Variants in SNX13 observed in about 807,000 individuals in gnomAD.
SNX13 encodes the protein sorting nexin-13.
SNX13 carries 45 observed loss-of-function variants against 133.6 expected under a neutral mutation model. That is an observed-to-expected ratio of 0.34 (90% CI 0.27 to 0.43). SNX13 has a LOEUF of 0.43. SNX13 is among the 20% of genes least tolerant of loss of function. SNX13 has a pLI of 1.00. For synonymous variants in SNX13, 414 were observed against 373.9 expected, an observed-to-expected ratio of 1.11 and a Z score of -1.24; for missense variants, 1,032 against 1,145.1, an observed-to-expected ratio of 0.90 and a Z score of 1.43.
At chr7:17,833,970 T>A (rs1262024442) in intron 15 of SNX13, 82 bp downstream of exon 15, 3 of 1,093,238 alleles carry the variant, frequency 2.7e-6, no homozygotes, top group Non-Finnish European at 3.6e-6. Context: ...ACAACATTTT[T>A]AACTTATACA....
chr7:17,932,902 A>C (rs1157455459), intron 1 of SNX13, among the ~76,000 whole-genome samples: 1 of 152,200 alleles, frequency 6.6e-6, no homozygotes, highest in East Asian at 1.9e-4. Context: ...CAAGGCTCCC[A>C]CTTTGATGGC....
chr7:17,844,022 A>T (rs559020824), intron 12 of SNX13, among the ~76,000 whole-genome samples: 2 of 152,046 alleles, frequency 1.3e-5, no homozygotes, highest in Non-Finnish European at 1.5e-5. Flanking sequence ...AAGAAATAGA[A>T]AAAGAACAAA....
chr7:17,861,571 C>T (rs555608521), intron 9 of SNX13, among the ~76,000 whole-genome samples: 14 of 152,080 alleles, frequency 9.2e-5, no homozygotes, highest in Non-Finnish European at 2.1e-4. Flanking sequence ...CAAGTGAGCT[C>T]GAGGATGTGC....
At chr7:17,846,666 T>TAA (rs74828587) in intron 11 of SNX13, among the ~76,000 whole-genome samples, 1 of 146,364 alleles carries the variant, frequency 6.8e-6, no homozygotes, top group South Asian at 2.2e-4. Flanking sequence ...TGTAGAGAAT[T>TAA]AAAAAAAAAA....
rs570673625 is a variant in SNX13 at position 17,860,866 on chromosome 7, G to A, written c.837+7541C>T. Among the ~76,000 whole-genome samples, 132 of 152,260 alleles carry A rather than the reference G, an allele frequency of 8.7e-4. 2 individuals carry two copies. In the Middle Eastern group the frequency reaches 0.02, roughly 24 times the overall value. ...CCATACAGTTAATTACTGTAGCTTT[G>A]TAATAGGTTTTGAAATCAGGAAGGG... On this transcript the variant is annotated intron_variant, in intron 9 of 25. Transcript: ENST00000428135.
intron 18 of SNX13, among the ~76,000 whole-genome samples, chr7:17,820,098 A>G (rs1439229061): frequency 2.0e-5 from 3 of 152,190 alleles, no homozygotes; most frequent in African/African-American, 7.2e-5. Flanking sequence ...ACATTTGTCA[A>G]TATGTAAAAT....
intron 11 of SNX13, among the ~76,000 whole-genome samples, chr7:17,850,012 T>C (rs1361092775): frequency 1.3e-5 from 2 of 152,192 alleles, no homozygotes; most frequent in East Asian, 1.9e-4. Context: ...AAAGAGTCTG[T>C]CTGCTTGGCT....
chr7:17,918,496 C>A (rs188689415), intron 1 of SNX13, among the ~76,000 whole-genome samples: 1 of 151,604 alleles, frequency 6.6e-6, no homozygotes, highest in African/African-American at 2.4e-5. Context: ...AAAAGACATA[C>A]AAGCAGCCAA....
intron 1 of SNX13, among the ~76,000 whole-genome samples, chr7:17,934,042 G>T (rs1000093182): frequency 6.6e-6 from 1 of 152,124 alleles, no homozygotes; most frequent in African/African-American, 2.4e-5. Context: ...TAACATACAG[G>T]TTTGTGTGTT....
chr7:17,814,289 C>A (rs1786398992), intron 20 of SNX13, among the ~76,000 whole-genome samples: 1 of 152,154 alleles, frequency 6.6e-6, no homozygotes, highest in Non-Finnish European at 1.5e-5. Flanking sequence ...GAGCAGGGAT[C>A]TGAAACAAAA....
intron 1 of SNX13, among the ~76,000 whole-genome samples, chr7:17,927,072 TTA>T (rs1017689721): frequency 1.3e-5 from 2 of 152,018 alleles, no homozygotes; most frequent in Admixed American, 6.6e-5. Context: ...AGATAAAAAC[TTA>T]TGTCAAATTT....
intron 15 of SNX13, 64 bp from the exon 16 acceptor site, chr7:17,830,111 GT>G: frequency 8.0e-7 from 1 of 1,253,218 alleles, no homozygotes; most frequent in Non-Finnish European, 1.0e-6. Flanking sequence ...TTTATCTAAG[GT>G]TCAAACACTA....
intron 20 of SNX13, among the ~76,000 whole-genome samples, chr7:17,807,919 A>G (rs1785507539): frequency 6.6e-6 from 1 of 152,192 alleles, no homozygotes; most frequent in South Asian, 2.1e-4. Flanking sequence ...CAACATCAAC[A>G]AAAAGGACAT....
At chr7:17,844,129 G>C (rs1026321713) in intron 12 of SNX13, among the ~76,000 whole-genome samples, 2 of 151,904 alleles carry the variant, frequency 1.3e-5, no homozygotes, top group Admixed American at 6.6e-5. Flanking sequence ...GTCAATGAAA[G>C]CAATAGTTGA....
intron 20 of SNX13, among the ~76,000 whole-genome samples, chr7:17,813,727 T>C (rs576987348): frequency 1.4e-4 from 21 of 151,794 alleles, no homozygotes; most frequent in Admixed American, 1.2e-3. Context: ...TCTGGGACTA[T>C]AGGTGTGCAC....
chr7:17,878,817 G>A (rs1191692763), intron 5 of SNX13, among the ~76,000 whole-genome samples: 1 of 152,036 alleles, frequency 6.6e-6, no homozygotes, highest in South Asian at 2.1e-4. Flanking sequence ...TCTTTGTTAT[G>A]CAGATTCACA....
intron 5 of SNX13, among the ~76,000 whole-genome samples, chr7:17,886,240 G>C (rs1360875776): frequency 1.3e-5 from 2 of 152,058 alleles, no homozygotes; most frequent in Non-Finnish European, 2.9e-5. Context: ...TCTACAGGAA[G>C]ATCCTTCAGT....
chr7:17,863,613 T>C (rs1011124673), intron 9 of SNX13, among the ~76,000 whole-genome samples: 2 of 152,190 alleles, frequency 1.3e-5, no homozygotes, highest in African/African-American at 2.4e-5. Flanking sequence ...ACCCAGTCCC[T>C]AGCAGAATTC....
At chr7:17,868,310 T>C (rs1793650393) in intron 9 of SNX13, 97 bp downstream of exon 9, 1 of 820,940 alleles carries the variant, frequency 1.2e-6, no homozygotes, top group African/African-American at 1.8e-5. Context: ...CTTAATTTCT[T>C]TAATAAATTA....
Sources: gnomAD v4.1 joint callset for allele counts (sites outside exome capture counted in the v4.1 genomes callset) on GRCh38, gnomAD v4.1.1 for gene constraint, MANE v1.5 for transcripts, NCBI Gene and HGNC (gene_info 2026-07-23, HGNC 2026-07-21) for gene names.